ADGRA3: variants seen among roughly 807,000 people sequenced by gnomAD.
ADGRA3 encodes the protein adhesion G protein-coupled receptor A3.
In ADGRA3, 56 loss-of-function variants were observed where a neutral mutation model predicts 119.8. That is an observed-to-expected ratio of 0.47 (90% CI 0.38 to 0.58). ADGRA3 has a LOEUF of 0.58. ADGRA3 is among the 20% of genes least tolerant of loss of function. The pLI, the probability that ADGRA3 is intolerant of heterozygous loss-of-function variation, is 0.00. For missense variants in ADGRA3, 1,516 were observed against 1,649.0 expected (o/e 0.92, Z 1.40); for synonymous variants, 607 against 623.8 (o/e 0.97, Z 0.40).
At chr4:22,397,569 T>A (rs1007447501) in intron 16 of ADGRA3, among the ~76,000 whole-genome samples, 2 of 152,148 alleles carry the variant, frequency 1.3e-5, no homozygotes, top group Non-Finnish European at 2.9e-5. Flanking sequence ...GGACCTGATA[T>A]GATTTAGTTG....
intron 1 of ADGRA3, among the ~76,000 whole-genome samples, chr4:22,482,997 G>A (rs1718303907): frequency 6.6e-6 from 1 of 152,182 alleles, no homozygotes; most frequent in Non-Finnish European, 1.5e-5. Flanking sequence ...CACAGCAGTG[G>A]TAGCGGGGCT....
intron 10 of ADGRA3, among the ~76,000 whole-genome samples, chr4:22,428,117 A>G (rs144986047): frequency 6.6e-6 from 1 of 152,318 alleles, no homozygotes; most frequent in African/African-American, 2.4e-5. Flanking sequence ...ATATTAATAT[A>G]CAAGATAATA....
chr4:22,408,678 A>C (rs952670312), intron 14 of ADGRA3, among the ~76,000 whole-genome samples: 2 of 152,204 alleles, frequency 1.3e-5, no homozygotes, highest in Non-Finnish European at 2.9e-5. Flanking sequence ...TGGAACTCTC[A>C]TTACTGTTGA....
intron 1 of ADGRA3, among the ~76,000 whole-genome samples, chr4:22,481,262 A>G (rs981521298): frequency 2.0e-5 from 3 of 152,178 alleles, no homozygotes; most frequent in Non-Finnish European, 2.9e-5. Flanking sequence ...AAAGTTTTAG[A>G]GCCACCTGTG....
intron 17 of ADGRA3, among the ~76,000 whole-genome samples, chr4:22,391,345 T>C (rs1331235848): frequency 1.3e-5 from 2 of 152,082 alleles, no homozygotes; most frequent in African/African-American, 4.8e-5. Context: ...GCTTTTCCTA[T>C]CTTATTTCTC....
chr4:22,435,690 A>G (rs1186922253), intron 9 of ADGRA3, among the ~76,000 whole-genome samples: 2 of 152,224 alleles, frequency 1.3e-5, no homozygotes, highest in Non-Finnish European at 2.9e-5. Flanking sequence ...ATACAATAAT[A>G]CATAAAAATA....
intron 2 of ADGRA3, among the ~76,000 whole-genome samples, chr4:22,470,194 A>T (rs1717808813): frequency 6.6e-6 from 1 of 152,126 alleles, no homozygotes; most frequent in Non-Finnish European, 1.5e-5. Context: ...TACTGCATAG[A>T]CTTCTAAAAT....
chr4:22,408,445 T>C (rs970860861), intron 14 of ADGRA3, among the ~76,000 whole-genome samples: 6 of 151,902 alleles, frequency 3.9e-5, no homozygotes. Flanking sequence ...CTATAAATAA[T>C]TAAGAAAATG....
intron 8 of ADGRA3, among the ~76,000 whole-genome samples, chr4:22,436,850 T>C (rs1716415555): frequency 6.6e-6 from 1 of 152,180 alleles, no homozygotes; most frequent in Admixed American, 6.6e-5. Context: ...TTAATACAAG[T>C]TACCATGGAT....
At chr4:22,455,056 T>A in intron 3 of ADGRA3, 119 bp from the exon 4 acceptor site, 1 of 699,524 alleles carries the variant, frequency 1.4e-6, no homozygotes, top group Non-Finnish European at 2.6e-6. Context: ...CTAGCAACTT[T>A]GAGATATTTA....
intron 4 of ADGRA3, among the ~76,000 whole-genome samples, chr4:22,450,945 A>T (rs1046067019): frequency 2.9e-5 from 4 of 138,044 alleles, no homozygotes; most frequent in South Asian, 4.8e-4. Flanking sequence ...AGAAAAAAAA[A>T]AAAAAAATAT....
chr4:22,461,933 A>T (rs772369772), intron 2 of ADGRA3, 125 bp from the exon 3 acceptor site: 26 of 541,044 alleles, frequency 4.8e-5, no homozygotes, highest in Non-Finnish European at 7.9e-5. Flanking sequence ...CTGAAGCCAA[A>T]AGGGTTAAGC....
intron 14 of ADGRA3, among the ~76,000 whole-genome samples, chr4:22,408,343 T>C (rs962397185): frequency 4.4e-4 from 17 of 38,858 alleles, no homozygotes; most frequent in African/African-American, 1.4e-3. Flanking sequence ...AAAGACAATA[T>C]TGAGGAAAAA....
intron 7 of ADGRA3, among the ~76,000 whole-genome samples, chr4:22,442,067 A>G (rs1716635619): frequency 6.6e-6 from 1 of 152,176 alleles, no homozygotes; most frequent in East Asian, 1.9e-4. Flanking sequence ...GAAGAAAGGG[A>G]GTGGAAAACT....
At chr4:22,395,280 TAG>T (rs943458181) in intron 16 of ADGRA3, among the ~76,000 whole-genome samples, 2 of 152,224 alleles carry the variant, frequency 1.3e-5, no homozygotes, top group Non-Finnish European at 2.9e-5. Context: ...TCTCACATAC[TAG>T]AGTTCATTTA....
chr4:22,505,829 G>A (rs1719217226), intron 1 of ADGRA3, among the ~76,000 whole-genome samples: 1 of 152,086 alleles, frequency 6.6e-6, no homozygotes, highest in Non-Finnish European at 1.5e-5. Flanking sequence ...GCTCTAGGAA[G>A]AGGTACAAGA....
At position 22,424,314 on chromosome 4, in the gene ADGRA3, C is replaced by T; in HGVS notation, c.1482G>A (p.Met494Ile). 1 of 1,613,890 alleles carries T rather than the reference C, an allele frequency of 6.2e-7. No individual in the cohort carries two copies. Among genetic ancestry groups the T allele is most frequent in the Non-Finnish European group, 8.5e-7 (1 of 1,179,848 alleles). The change falls in exon 11 of 19, where the codon ATG (methionine) becomes ATA (isoleucine). Residue 494 changes from methionine to isoleucine, a missense_variant. By Grantham distance (10) the Met-to-Ile change is conservative. Transcript: ENST00000334304. Reference sequence around the variant, plus strand: ...GCCACAGGACACGTTCATCAGCCAACATGATGTTACTTGCAATGTCAACCA... The same window carrying T: ...GCCACAGGACACGTTCATCAGCCAATATGATGTTACTTGCAATGTCAACCA... ...DVMVDIASNIMLADERVLWLA... is the reference protein window; with the variant it reads ...DVMVDIASNIILADERVLWLA...
Position 22,413,807 on chromosome 4 carries a change from A to G in ADGRA3, c.1817T>C (p.Ile606Thr), listed in dbSNP as rs1489072907. 3 of 1,601,640 alleles carry G rather than the reference A, an allele frequency of 1.9e-6. No individual in the cohort carries two copies. The highest frequency in any genetic ancestry group is 4.5e-5 in the East Asian group (2 of 44,778). ...TFSSLALKNT[I>T]VEASIQLPPS... is the part of the protein sequence containing the mutation. The stretch of plus-strand genomic sequence containing the variant: ...AGGAAGCTGAATAGAAGCCTCCACA[A>G]TAGTATTCTGAAAAAATATATATAC... Residue 606 changes from isoleucine to threonine, a missense_variant, in exon 13 of 19, where the codon ATT becomes ACT. Around this residue, in one of 2 missense-constraint regions of ADGRA3, gnomAD observed 1,088 missense variants for 1,107.1 expected, o/e 0.98. Transcript: ENST00000334304.
At chr4:22,449,813 C>T (rs759850979) in intron 4 of ADGRA3, among the ~76,000 whole-genome samples, 33 of 150,920 alleles carry the variant, frequency 2.2e-4, no homozygotes, top group Non-Finnish European at 4.3e-4. Context: ...TACCACTGCA[C>T]TCCAGCCTGG....
Sources: gnomAD v4.1 joint callset for allele counts (sites outside exome capture counted in the v4.1 genomes callset) on GRCh38, gnomAD v4.1.1 for gene constraint, gnomAD v4.1.1 regional missense constraint, MANE v1.5 for transcripts, NCBI Gene and HGNC (gene_info 2026-07-23, HGNC 2026-07-21) for gene names.